Variants in DLG1 observed in about 807,000 individuals in gnomAD.
The protein encoded by DLG1 is discs large MAGUK scaffold protein 1.
A neutral mutation model predicts 123.4 loss-of-function variants in DLG1; 42 were observed. The ratio of observed to expected loss-of-function variants is 0.34; its 90% CI spans 0.27 to 0.44. The LOEUF is 0.44. Ranked by LOEUF, DLG1 falls within the 20% of genes least tolerant of loss-of-function variation. DLG1 has a pLI of 1.00. For missense variants in DLG1, 942 were observed against 1,082.6 expected, an observed-to-expected ratio of 0.87 and a Z score of 1.82; for synonymous variants, 317 against 356.2, an observed-to-expected ratio of 0.89 and a Z score of 1.24.
At chr3:197,205,766 G>A (rs1728192617) in intron 4 of DLG1, among the ~76,000 whole-genome samples, 1 of 152,176 alleles carries the variant, frequency 6.6e-6, no homozygotes, top group African/African-American at 2.4e-5. Context: ...CATTTTTGTA[G>A]TTCTGTAGTT....
intron 6 of DLG1, among the ~76,000 whole-genome samples, chr3:197,144,829 T>C (rs1010525230): frequency 6.6e-5 from 10 of 152,182 alleles, no homozygotes; most frequent in Non-Finnish European, 1.3e-4. Flanking sequence ...GGCATTTATA[T>C]AGAGAGAGTT....
At chr3:197,194,352 C>A (rs978930575) in intron 5 of DLG1, 73 bp downstream of exon 5, 23 of 1,026,958 alleles carry the variant, frequency 2.2e-5, no homozygotes, top group Admixed American at 3.7e-5. Context: ...GAATACTTCT[C>A]TCCGAGCATG....
At chr3:197,125,334 C>T (rs887092291) in intron 11 of DLG1, among the ~76,000 whole-genome samples, 12 of 152,108 alleles carry the variant, frequency 7.9e-5, no homozygotes, top group African/African-American at 2.9e-4. Flanking sequence ...GTGCTTTTCT[C>T]CATGGTTCTG....
Position 197,298,598 on chromosome 3 carries a change from G to A in DLG1, c.-94C>T, listed in dbSNP as rs573325505. 12 of 398,460 alleles carry A rather than the reference G, an allele frequency of 3.0e-5. No individual in the cohort carries two copies. Among genetic ancestry groups the A allele is most frequent in the African/African-American group, 1.2e-4 (6 of 48,606 alleles). 24.7% of individuals were successfully genotyped at this position (398,460 alleles called of 1,614,324 possible). ...CAACTCCGCGGCAGAGACAGCGCCT[G>A]GCGACCCCGGGGGTAGATCCCCACC... On this transcript the variant is annotated 5_prime_UTR_variant, in exon 1 of 25. Coordinates refer to ENST00000667157, the MANE Select transcript of DLG1 (RefSeq NM_001366207.1).
At chr3:197,102,549 T>G (rs1764076645) in intron 14 of DLG1, among the ~76,000 whole-genome samples, 1 of 152,246 alleles carries the variant, frequency 6.6e-6, no homozygotes, top group Non-Finnish European at 1.5e-5. Flanking sequence ...TCCCCACCTC[T>G]TATTATCTTT....
chr3:197,195,276 G>A (rs2150267873), intron 4 of DLG1, among the ~76,000 whole-genome samples: 1 of 151,138 alleles, frequency 6.6e-6, no homozygotes, highest in Non-Finnish European at 1.5e-5. Context: ...TTATTAAGTT[G>A]CTCTTATCAA....
intron 14 of DLG1, among the ~76,000 whole-genome samples, chr3:197,094,168 T>C (rs947282754): frequency 1.4e-4 from 21 of 152,288 alleles, no homozygotes; most frequent in Admixed American, 7.2e-4. Flanking sequence ...AGCAGCTCAT[T>C]TGCCACCTAA....
chr3:197,131,845 G>A (rs1054019613), intron 10 of DLG1, among the ~76,000 whole-genome samples: 7 of 151,640 alleles, frequency 4.6e-5, no homozygotes, highest in African/African-American at 1.2e-4. Context: ...CGCCCGCCTC[G>A]GCCTCCCAAA....
chr3:197,150,671 A>G (rs1793419237), intron 5 of DLG1, among the ~76,000 whole-genome samples: 1 of 152,134 alleles, frequency 6.6e-6, no homozygotes, highest in African/African-American at 2.4e-5. Context: ...TACTTCAATT[A>G]CCTGAGGAAT....
chr3:197,045,532 G>A (rs1212405005), intron 24 of DLG1, among the ~76,000 whole-genome samples: 2 of 151,676 alleles, frequency 1.3e-5, no homozygotes, highest in Admixed American at 6.6e-5. Context: ...CTTGAGGCTA[G>A]GAGTTTGAGA....
intron 10 of DLG1, among the ~76,000 whole-genome samples, chr3:197,131,413 A>G (rs1483392797): frequency 6.6e-6 from 1 of 151,894 alleles, no homozygotes; most frequent in Admixed American, 6.6e-5. Context: ...TTTTTTTTCA[A>G]TTATTTTTTG....
At chr3:197,263,661 C>T (rs1425227622) in intron 4 of DLG1, among the ~76,000 whole-genome samples, 2 of 152,084 alleles carry the variant, frequency 1.3e-5, no homozygotes, top group Admixed American at 6.5e-5. Context: ...GTGGCGCATG[C>T]CTGTAATCCC....
At chr3:197,198,013 A>T (rs1223765638) in intron 4 of DLG1, among the ~76,000 whole-genome samples, 1 of 152,224 alleles carries the variant, frequency 6.6e-6, no homozygotes, top group East Asian at 1.9e-4. Context: ...TATGAGTTAC[A>T]GTTAGAAAAC....
chr3:197,116,372 A>G (rs1773305572), intron 12 of DLG1, among the ~76,000 whole-genome samples: 1 of 152,216 alleles, frequency 6.6e-6, no homozygotes, highest in South Asian at 2.1e-4. Context: ...GCTTATCAGG[A>G]AATACACATA....
chr3:197,243,920 G>A (rs184653376), intron 4 of DLG1, among the ~76,000 whole-genome samples: 2 of 152,270 alleles, frequency 1.3e-5, no homozygotes, highest in Admixed American at 6.5e-5. Flanking sequence ...GTTTTACGAT[G>A]TTTTATCTTT....
chr3:197,180,697 G>A (rs1809768810), intron 5 of DLG1, among the ~76,000 whole-genome samples: 1 of 152,110 alleles, frequency 6.6e-6, no homozygotes. Context: ...GGAAATCAGG[G>A]GAATCGGGGC....
rs1463875285 is a variant in DLG1 at position 197,293,607 on chromosome 3, G to C, written c.151+2739C>G. Among the ~76,000 whole-genome samples the C allele has an allele frequency of 2.2e-5, 3 of 138,168 alleles. No individual in the cohort carries two copies. The Admixed American group carries it at 2.2e-4, about 10-fold the overall frequency. 90.6% of individuals were successfully genotyped at this position (138,168 alleles called of 152,430 possible). On this transcript the variant is annotated intron_variant, in intron 3 of 24. Transcript: ENST00000667157. ...CCTAATCTATGTATCAACTACAGGG[G>C]GGGACACCAAACCCCTAGAGACTCA...
intron 7 of DLG1, among the ~76,000 whole-genome samples, chr3:197,141,500 T>A (rs1275445433): frequency 2.0e-5 from 3 of 152,192 alleles, no homozygotes; most frequent in Non-Finnish European, 2.9e-5. Context: ...CGAATTTAAG[T>A]AGATGGCAAT....
intron 12 of DLG1, among the ~76,000 whole-genome samples, chr3:197,117,492 T>C (rs1560794227): frequency 2.0e-5 from 3 of 152,324 alleles, no homozygotes; most frequent in Middle Eastern, 3.4e-3. Flanking sequence ...TTGAACAGTA[T>C]TGTCATAAAA....
Sources: gnomAD v4.1 joint callset for allele counts (sites outside exome capture counted in the v4.1 genomes callset) on GRCh38, gnomAD v4.1.1 for gene constraint, MANE v1.5 for transcripts, NCBI Gene and HGNC (gene_info 2026-07-23, HGNC 2026-07-21) for gene names.